DLGAP4: variants seen among roughly 807,000 people sequenced by gnomAD.
DLGAP4 encodes disks large-associated protein 4.
DLGAP4 carries 18 observed loss-of-function variants against 86.9 expected under a neutral mutation model. That is an observed-to-expected ratio of 0.21 (90% confidence interval 0.14 to 0.31). The LOEUF is 0.31. DLGAP4 is among the 10% of genes least tolerant of loss of function. The pLI is 1.00. For synonymous variants in DLGAP4, 548 were observed against 574.3 expected (o/e 0.95, Z 0.65); for missense variants, 1,085 against 1,362.6 (o/e 0.80, Z 3.21).
chr20:36,506,143 G>T lies in DLGAP4; in HGVS notation c.2512+5532G>T, dbSNP rs78224220. ...AGCAACATTTCAGGTGCTTACTAAC[G>T]ACATGTGGCTAGTAGCTGCTGTATT... On this transcript the variant is annotated intron_variant, in intron 10 of 12. Coordinates refer to ENST00000339266, the MANE Select transcript of DLGAP4 (RefSeq NM_001365621.2). Among the ~76,000 whole-genome samples, 1,404 of 152,222 alleles carry T rather than the reference G, an allele frequency of 9.2e-3. 12 individuals are homozygous for T. The highest frequency in any genetic ancestry group is 0.013 in the Non-Finnish European group (887 of 68,010).
intron 6 of DLGAP4, among the ~76,000 whole-genome samples, chr20:36,445,467 G>A (rs2033566902): frequency 6.6e-6 from 1 of 152,188 alleles, no homozygotes. Flanking sequence ...TCGCGCCACT[G>A]CACTTCAGCC....
intron 7 of DLGAP4, among the ~76,000 whole-genome samples, chr20:36,465,017 G>A (rs755149743): frequency 1.3e-5 from 2 of 152,128 alleles, no homozygotes; most frequent in Non-Finnish European, 2.9e-5. Context: ...TGTACTACAG[G>A]ATTATGATGA....
At chr20:36,411,615 G>A (rs763747495) in intron 2 of DLGAP4, among the ~76,000 whole-genome samples, 2 of 152,168 alleles carry the variant, frequency 1.3e-5, no homozygotes, top group African/African-American at 2.4e-5. Context: ...TCCTAGAAGC[G>A]GAATTGCTGG....
intron 1 of DLGAP4, among the ~76,000 whole-genome samples, chr20:36,315,064 G>GGT (rs2065085995): frequency 7.7e-6 from 1 of 130,468 alleles, no homozygotes; most frequent in African/African-American, 2.9e-5. Context: ...CCCCGTGTGT[G>GGT]GTGTGATGTG....
chr20:36,333,468 C>G (rs564129313), intron 1 of DLGAP4, among the ~76,000 whole-genome samples: 2 of 152,224 alleles, frequency 1.3e-5, no homozygotes, highest in East Asian at 3.9e-4. Context: ...GGCTTGATTC[C>G]AATGTCGCCT....
At chr20:36,315,629 G>A (rs1457971396) in intron 1 of DLGAP4, among the ~76,000 whole-genome samples, 7 of 152,236 alleles carry the variant, frequency 4.6e-5, no homozygotes, top group African/African-American at 1.7e-4. Context: ...GGACATTTGA[G>A]CAACATTCCT....
At position 36,489,692 on chromosome 20, in the gene DLGAP4, G is replaced by A. The variant is rs532398439; in HGVS notation, c.1649-7013G>A. ...CAGGGGGCATCTGTGGTAGTCTCAG[G>A]GAGGCTGGCTCCAGATCACGGGGAG... On this transcript the variant is annotated intron_variant, in intron 7 of 12. Transcript: ENST00000339266. 3.0e-3 allele frequency among the ~76,000 whole-genome samples: 459 copies of A among 152,066 alleles called. 3 individuals are homozygous for A. The highest frequency in any genetic ancestry group is 0.011 in the African/African-American group (444 of 41,480).
chr20:36,428,493 G>A (rs2033040490), intron 2 of DLGAP4, among the ~76,000 whole-genome samples: 1 of 152,238 alleles, frequency 6.6e-6, no homozygotes, highest in Admixed American at 6.5e-5. Context: ...GGTTGGAGAA[G>A]CTGGTGGAAG....
At chr20:36,522,989 A>C (rs1197679421) in intron 10 of DLGAP4, among the ~76,000 whole-genome samples, 1 of 152,148 alleles carries the variant, frequency 6.6e-6, no homozygotes, top group East Asian at 1.9e-4. Flanking sequence ...GGCTACAGGC[A>C]CATGCTACCA....
At chr20:36,374,691 G>C (rs2031083187) in intron 2 of DLGAP4, among the ~76,000 whole-genome samples, 1 of 152,218 alleles carries the variant, frequency 6.6e-6, no homozygotes. Flanking sequence ...GATATCTAAT[G>C]GTCTAAATTC....
At chr20:36,465,188 G>A (rs1229274301) in intron 7 of DLGAP4, 1 of 148,816 alleles carries the variant, frequency 6.7e-6, no homozygotes, top group Non-Finnish European at 1.5e-5. Context: ...CATGCCCTGT[G>A]GTTGGGGTTT....
intron 1 of DLGAP4, among the ~76,000 whole-genome samples, chr20:36,312,100 A>G (rs957328556): frequency 2.8e-4 from 43 of 152,116 alleles, no homozygotes; most frequent in African/African-American, 8.5e-4. Context: ...CCCCATCTGA[A>G]CTGTGAGGTT....
At chr20:36,388,299 A>G (rs2031669206) in intron 2 of DLGAP4, among the ~76,000 whole-genome samples, 1 of 152,194 alleles carries the variant, frequency 6.6e-6, no homozygotes, top group Non-Finnish European at 1.5e-5. Flanking sequence ...GACTCCCATC[A>G]GGCAAGGCAG....
chr20:36,500,283 A>T lies in DLGAP4; in HGVS notation c.2184A>T (p.Ser728=), dbSNP rs2036084543. The part of the protein sequence containing the change: ...TQDANDSSCK[S]SERSLPDCTP... ...ATGCCAATGACTCAAGCTGTAAGTCATCTGAGAGGAGCCTCCCGGACTGTA... is the reference window on the plus strand; with the variant it reads ...ATGCCAATGACTCAAGCTGTAAGTCTTCTGAGAGGAGCCTCCCGGACTGTA... The change falls in exon 10 of 13, where the codon TCA becomes TCT. Residue 728 remains serine, a synonymous_variant. Transcript: ENST00000339266. The surrounding 1 kb of genome is among the most constrained non-coding windows in gnomAD (Gnocchi z 4.6). 6.2e-7 allele frequency: 1 copy of T among 1,613,402 alleles called. No homozygotes were observed. Among genetic ancestry groups the T allele is most frequent in the South Asian group, 1.1e-5 (1 of 90,996 alleles).
intron 2 of DLGAP4, among the ~76,000 whole-genome samples, chr20:36,416,822 AAG>A (rs2032667933): frequency 6.6e-6 from 1 of 152,112 alleles, no homozygotes; most frequent in South Asian, 2.1e-4. Context: ...AGAAGCAAAA[AAG>A]AGGTGTGGAG....
intron 1 of DLGAP4, among the ~76,000 whole-genome samples, chr20:36,325,972 C>A (rs1201755230): frequency 6.6e-6 from 1 of 152,156 alleles, no homozygotes; most frequent in African/African-American, 2.4e-5. Context: ...CCCAGCTCGG[C>A]CTCCCAAAGT....
At chr20:36,336,577 A>T (rs1308215335) in intron 1 of DLGAP4, among the ~76,000 whole-genome samples, 1 of 152,140 alleles carries the variant, frequency 6.6e-6, no homozygotes, top group Admixed American at 6.6e-5. Context: ...ATTCCCTAGG[A>T]TGATGGCTGG....
At chr20:36,520,037 A>T (rs2037281573) in intron 10 of DLGAP4, among the ~76,000 whole-genome samples, 1 of 149,388 alleles carries the variant, frequency 6.7e-6, no homozygotes, top group African/African-American at 2.5e-5. Flanking sequence ...CTCAAGTGGT[A>T]CTCCACCTCG....
intron 10 of DLGAP4, chr20:36,510,995 A>C (rs139452173): frequency 2.0e-5 from 3 of 152,234 alleles, no homozygotes; most frequent in Admixed American, 2.0e-4. Flanking sequence ...TAGAATTTGT[A>C]TATCAAGTTC....
Sources: gnomAD v4.1 joint callset for allele counts (sites outside exome capture counted in the v4.1 genomes callset) on GRCh38, gnomAD v4.1.1 for gene constraint, Gnocchi (gnomAD v3.1) non-coding constraint, MANE v1.5 for transcripts, NCBI Gene and HGNC (gene_info 2026-07-23, HGNC 2026-07-21) for gene names.